The following KIAA0319 variants were observed in gnomAD, a reference collection of about 807,000 sequenced individuals.
The protein encoded by KIAA0319 is KIAA0319, also known as dyslexia-associated protein KIAA0319.
In KIAA0319, 83 loss-of-function variants were observed where a neutral mutation model predicts 108.4. The observed-to-expected ratio is 0.77, with a 90% CI of 0.64 to 0.92. KIAA0319 has a LOEUF of 0.92. Ranked by LOEUF, KIAA0319 falls within the 40% of genes least tolerant of loss-of-function variation. The pLI, the probability that KIAA0319 is intolerant of heterozygous loss-of-function variation, is 0.00. For synonymous variants in KIAA0319, 484 were observed against 510.4 expected (o/e 0.95, Z 0.70); for missense variants, 1,195 against 1,322.4 (o/e 0.90, Z 1.49).
chr6:24,632,693 T>G (rs1379803030), intron 1 of KIAA0319, among the ~76,000 whole-genome samples: 1 of 152,180 alleles, frequency 6.6e-6, no homozygotes, highest in East Asian at 1.9e-4. Context: ...GTGAAGGAAA[T>G]AAGACAGCAC....
chr6:24,554,717 G>C, intron 18 of KIAA0319, 86 bp from the exon 19 acceptor site: 3 of 990,642 alleles, frequency 3.0e-6, no homozygotes, highest in Non-Finnish European at 3.2e-6. Flanking sequence ...AACTATTTCT[G>C]AATCCCTACA....
intron 1 of KIAA0319, among the ~76,000 whole-genome samples, chr6:24,612,771 A>AG (rs879765915): frequency 5.3e-5 from 8 of 152,146 alleles, no homozygotes; most frequent in Non-Finnish European, 7.4e-5. Context: ...TGTGCTGATG[A>AG]GGGGAGAGAG....
Position 24,645,868 on chromosome 6 carries a change from CACACACACACACA to C in KIAA0319, c.-251_-239del, listed in dbSNP as rs1385140566. ...ACACACACACACACACACACACACA[CACACACACACACA>C]CACACACGTTCACACCCTCGCGCGC... On this transcript the variant is annotated 5_prime_UTR_variant, in exon 1 of 21. Coordinates refer to ENST00000378214, the MANE Select transcript of KIAA0319 (RefSeq NM_014809.4). 3 of 149,872 alleles carry C rather than the reference CACACACACACACA, an allele frequency of 2.0e-5. No individual in the cohort carries two copies. Among genetic ancestry groups the C allele is most frequent in the African/African-American group, 7.7e-5 (3 of 39,092 alleles). The allele number at this position is 149,872 out of a possible 1,614,324, so 9.3% of individuals were successfully genotyped here.
At chr6:24,548,114 G>GTA (rs1760895240) in intron 20 of KIAA0319, among the ~76,000 whole-genome samples, 1 of 152,160 alleles carries the variant, frequency 6.6e-6, no homozygotes, top group Non-Finnish European at 1.5e-5. Context: ...TTTTTAAATT[G>GTA]TATATGAATT....
At chr6:24,593,386 C>CT (rs58826962) in intron 3 of KIAA0319, among the ~76,000 whole-genome samples, 4,302 of 79,154 alleles carry the variant, frequency 0.054, 229 homozygotes, top group African/African-American at 0.092. Flanking sequence ...GAATAATTAT[C>CT]TTTTTTTTTT....
Position 24,576,471 on chromosome 6 carries a change from T to C in KIAA0319, c.1631A>G (p.Asn544Ser), listed in dbSNP as rs774771729. The C allele has an allele frequency of 2.5e-6, 4 of 1,613,956 alleles. No homozygotes were observed. In the East Asian group the frequency reaches 8.9e-5, roughly 36 times the overall value. ...GPNHTITLPQ[N>S]SITLNGNQSS... ...CTGGTTTCCATTCAAAGTGATGGAG[T>C]TTTGGGGCAAAGTTATGGTGTGATT... Residue 544 changes from asparagine (N) to serine (S), a missense_variant, in exon 10 of 21, where the codon AAC (asparagine) becomes AGC (serine). By Grantham distance (46) the Asn-to-Ser change is conservative. Coordinates refer to ENST00000378214, the MANE Select transcript of KIAA0319 (RefSeq NM_014809.4).
chr6:24,543,605 G>GT (rs1322000979), downstream of KIAA0319, among the ~76,000 whole-genome samples: 3 of 152,054 alleles, frequency 2.0e-5, no homozygotes, highest in Admixed American at 2.0e-4. Context: ...ATTTTTGTGT[G>GT]TGTGTTTTTT....
At chr6:24,592,235 T>G (rs1411192552) in intron 3 of KIAA0319, among the ~76,000 whole-genome samples, 1 of 152,214 alleles carries the variant, frequency 6.6e-6, no homozygotes, top group Non-Finnish European at 1.5e-5. Context: ...TCTAAATTCA[T>G]TCTTTTGCAT....
chr6:24,585,877 T>C (rs9461038), intron 4 of KIAA0319, among the ~76,000 whole-genome samples: 16,447 of 152,128 alleles, frequency 0.11, 2,460 homozygotes, highest in African/African-American at 0.34. Flanking sequence ...TCACTTGAAG[T>C]CAGAAGTTCA....
chr6:24,556,659 T>C lies in KIAA0319; in HGVS notation c.2805A>G (p.Leu935=), dbSNP rs1187396869. Residue 935 remains leucine (L), a synonymous_variant, in exon 18 of 21, where the codon TTA becomes TTG. Transcript: ENST00000378214. ...AACGCTGTATAAGGTTCTCCATCCA[T>C]AAGTGAGAGCAAATGCAGCGCTTTG... ...PLTKRCICSH[L]WMENLIQRYI... 1 of 1,613,986 alleles carries C rather than the reference T, an allele frequency of 6.2e-7. No homozygotes were observed. Among genetic ancestry groups the C allele is most frequent in the South Asian group, 1.1e-5 (1 of 91,062 alleles).
chr6:24,593,025 C>A (rs1768762416), intron 3 of KIAA0319, among the ~76,000 whole-genome samples: 1 of 152,040 alleles, frequency 6.6e-6, no homozygotes, highest in Non-Finnish European at 1.5e-5. Context: ...CTACTGGATA[C>A]CTCTCCAGGT....
intron 8 of KIAA0319, 39 bp downstream of exon 8, chr6:24,579,819 A>G (rs1317079977): frequency 3.3e-6 from 5 of 1,502,552 alleles, no homozygotes; most frequent in Non-Finnish European, 3.6e-6. Context: ...TAGCACGTAG[A>G]GAAAAAAAGA....
intron 17 of KIAA0319, among the ~76,000 whole-genome samples, chr6:24,557,561 A>T (rs79019382): frequency 0.071 from 10,805 of 152,260 alleles, 583 homozygotes; most frequent in African/African-American, 0.13. Context: ...CTAAGTATTT[A>T]TCTGGAGTGC....
At chr6:24,594,430 A>G (rs1769100638) in intron 3 of KIAA0319, among the ~76,000 whole-genome samples, 1 of 151,772 alleles carries the variant, frequency 6.6e-6, no homozygotes, top group Non-Finnish European at 1.5e-5. Context: ...GTTCGAAGCC[A>G]GCCTGGCCAA....
rs1162837766 is a variant in KIAA0319 at position 24,556,664 on chromosome 6, G to T, written c.2800C>A (p.His934Asn). ...DPLTKRCICS[H>N]LWMENLIQRY... is the part of the protein sequence containing the mutation. ...TGTATAAGGTTCTCCATCCATAAGT[G>T]AGAGCAAATGCAGCGCTTTGTGAGG... is the stretch of plus-strand genomic sequence containing the variant. The change falls in exon 18 of 21, where the codon CAC becomes AAC. Residue 934 changes from histidine (H) to asparagine (N), a missense_variant. His to Asn is a moderately conservative substitution (Grantham distance 68). Coordinates refer to ENST00000378214, the MANE Select transcript of KIAA0319 (RefSeq NM_014809.4). The T allele has an allele frequency of 6.2e-7, 1 of 1,613,976 alleles. No individual in the cohort carries two copies. Among genetic ancestry groups the T allele is most frequent in the African/African-American group, 1.3e-5 (1 of 74,936 alleles).
intron 1 of KIAA0319, among the ~76,000 whole-genome samples, chr6:24,612,772 G>C (rs1451108954): frequency 6.6e-6 from 1 of 152,100 alleles, no homozygotes; most frequent in Admixed American, 6.6e-5. Context: ...GTGCTGATGA[G>C]GGGAGAGAGG....
chr6:24,627,336 C>CT (rs1351307304), intron 1 of KIAA0319, among the ~76,000 whole-genome samples: 1 of 152,158 alleles, frequency 6.6e-6, no homozygotes, highest in Non-Finnish European at 1.5e-5. Flanking sequence ...TGGTAATGTG[C>CT]TACCTGATAA....
In KIAA0319 at chr6:24,624,728, A is replaced by C. The variant is rs531916382; in HGVS notation, c.-106+21008T>G. ...TACATTTCTCAACATCCCTGTACCT[A>C]AGGATCTGAATGTTATTCAGGTTCT... On this transcript the variant is annotated intron_variant, in intron 1 of 20. Transcript: ENST00000378214. Among the ~76,000 whole-genome samples, 37 of 152,294 alleles carry C rather than the reference A, an allele frequency of 2.4e-4. 1 individual carries two copies. The South Asian group carries it at 7.1e-3, about 29-fold the overall frequency.
intron 1 of KIAA0319, among the ~76,000 whole-genome samples, chr6:24,630,988 C>T (rs184973723): frequency 1.3e-4 from 20 of 152,246 alleles, no homozygotes; most frequent in African/African-American, 4.6e-4. Context: ...TTTCAGAGAT[C>T]CAAACAGATT....
Sources: gnomAD v4.1 joint callset for allele counts (sites outside exome capture counted in the v4.1 genomes callset) on GRCh38, gnomAD v4.1.1 for gene constraint, MANE v1.5 for transcripts, NCBI Gene and HGNC (gene_info 2026-07-23, HGNC 2026-07-21) for gene names.